The following BCAS3 variants were observed in gnomAD, a reference collection of about 807,000 sequenced individuals.
BCAS3 encodes BCAS4/BCAS3 fusion.
In BCAS3, 53 loss-of-function variants were observed where a neutral mutation model predicts 116.1. That is an observed-to-expected ratio of 0.46 (90% CI 0.37 to 0.57). BCAS3 has a LOEUF of 0.57. Among genes scored for constraint, BCAS3 ranks in the 20% least tolerant of loss-of-function variants. The pLI, the probability that BCAS3 is intolerant of heterozygous loss-of-function variation, is 0.00. For synonymous variants in BCAS3, 391 were observed against 408.2 expected (o/e 0.96, Z 0.51); for missense variants, 917 against 1,165.4 (o/e 0.79, Z 3.10).
At chr17:60,722,477 A>AG (rs888077676) in intron 5 of BCAS3, among the ~76,000 whole-genome samples, 3 of 152,078 alleles carry the variant, frequency 2.0e-5, no homozygotes, top group Non-Finnish European at 4.4e-5. Flanking sequence ...AATGCTTTTT[A>AG]GGGGGCTGGG....
intron 22 of BCAS3, among the ~76,000 whole-genome samples, chr17:61,295,365 C>T (rs988557891): frequency 2.0e-5 from 3 of 152,236 alleles, no homozygotes; most frequent in Non-Finnish European, 4.4e-5. Context: ...TGCTGGAGAG[C>T]AGCCTGGCTC....
At chr17:61,371,972 G>A (rs1437714954) in intron 23 of BCAS3, among the ~76,000 whole-genome samples, 1 of 152,226 alleles carries the variant, frequency 6.6e-6, no homozygotes, top group Non-Finnish European at 1.5e-5. Flanking sequence ...TGATTTGCAA[G>A]TCCAGTTCTA....
chr17:60,748,997 A>G (rs1288729074), intron 6 of BCAS3: 2 of 152,222 alleles, frequency 1.3e-5, no homozygotes, highest in East Asian at 3.8e-4. Flanking sequence ...AAGGAGTTCC[A>G]TCAGTAACTG....
chr17:61,053,131 C>T (rs529284959), intron 19 of BCAS3, among the ~76,000 whole-genome samples: 2 of 152,144 alleles, frequency 1.3e-5, no homozygotes, highest in South Asian at 2.1e-4. Flanking sequence ...CATTTACATA[C>T]AATAAAGTAG....
At chr17:61,221,684 T>TA (rs954547307) in intron 22 of BCAS3, among the ~76,000 whole-genome samples, 4 of 151,888 alleles carry the variant, frequency 2.6e-5, no homozygotes, top group African/African-American at 9.7e-5. Context: ...ACCAAGATCC[T>TA]AAAAAAAGGC....
intron 22 of BCAS3, among the ~76,000 whole-genome samples, chr17:61,293,965 G>A (rs2052668787): frequency 6.6e-6 from 1 of 152,166 alleles, no homozygotes; most frequent in Admixed American, 6.5e-5. Flanking sequence ...GTTTCACCAT[G>A]TTGGCCAGGC....
intron 22 of BCAS3, among the ~76,000 whole-genome samples, chr17:61,331,515 A>G (rs1315253987): frequency 6.6e-6 from 1 of 152,136 alleles, no homozygotes; most frequent in Non-Finnish European, 1.5e-5. Context: ...GGTCCAGGCC[A>G]GGCACAGTGG....
intron 6 of BCAS3, among the ~76,000 whole-genome samples, chr17:60,781,349 A>C (rs1830990447): frequency 6.6e-6 from 1 of 151,742 alleles, no homozygotes; most frequent in Non-Finnish European, 1.5e-5. Context: ...CTGTAATCCC[A>C]GCACTTACAG....
rs1184496624 is a variant in BCAS3 at position 61,208,456 on chromosome 17, CTG to C, written c.2425+123893_2425+123894del. Among the ~76,000 whole-genome samples, 2 of 152,120 alleles carry C rather than the reference CTG, an allele frequency of 1.3e-5. No individual in the cohort carries two copies. Among genetic ancestry groups the C allele is most frequent in the East Asian group, 1.9e-4 (1 of 5,202 alleles). On this transcript the variant is annotated intron_variant, in intron 22 of 23. Transcript: ENST00000407086. The surrounding 1 kb of genome is among the most constrained non-coding windows in gnomAD (Gnocchi z 4.5). Reference sequence around the variant, plus strand: ...TGTGCTAGTAAGTGTCGTTAAAAAACTGAGAGTTTTTCTTCTGTTGTGGACAT... The same window carrying C: ...TGTGCTAGTAAGTGTCGTTAAAAAACAGAGTTTTTCTTCTGTTGTGGACAT...
rs866444571 is a variant in BCAS3, at chr17:61,326,144, A to C, written c.2426-42183A>C. 2.2e-4 allele frequency among the ~76,000 whole-genome samples: 33 copies of C among 152,322 alleles called. No homozygotes were observed. The highest frequency in any genetic ancestry group is 6.5e-4 in the African/African-American group (27 of 41,584). On this transcript the variant is annotated intron_variant, in intron 22 of 23. Transcript: ENST00000407086. The surrounding 1 kb of genome is among the most constrained non-coding windows in gnomAD (Gnocchi z 5.3). ...TCAGATAATCTCACAAATTAACATA[A>C]TTACAAATTGTGTGAAGTATAATGA...
In BCAS3 at chr17:61,304,482, C is replaced by T. The variant is rs182776938; in HGVS notation, c.2426-63845C>T. Among the ~76,000 whole-genome samples, 269 of 152,286 alleles carry T rather than the reference C, an allele frequency of 1.8e-3. 3 individuals carry two copies. The highest frequency in any genetic ancestry group is 0.01 in the Middle Eastern group (3 of 294). ...TATACTATTTCGTGCCTAGAGTGTC[C>T]TTCTTGCTCTTGTTTTTTCCATTCC... On this transcript the variant is annotated intron_variant, in intron 22 of 23. Coordinates refer to ENST00000407086, the MANE Select transcript of BCAS3 (RefSeq NM_017679.5).
At position 60,967,723 on chromosome 17, in the gene BCAS3, G is replaced by A. The variant is rs1369794257; in HGVS notation, c.1221+20371G>A. Among the ~76,000 whole-genome samples the A allele has an allele frequency of 3.3e-5, 5 of 151,690 alleles. No individual in the cohort carries two copies. The highest frequency in any genetic ancestry group is 9.7e-5 in the African/African-American group (4 of 41,274). ...CTGTTGGTGGTATTCATTCCTTTTT[G>A]TTCTTTGTCCTTCTCCCACCACCCC... On this transcript the variant is annotated intron_variant, in intron 14 of 23. Coordinates refer to ENST00000407086, the MANE Select transcript of BCAS3 (RefSeq NM_017679.5). The surrounding 1 kb of genome is among the most constrained non-coding windows in gnomAD (Gnocchi z 4.7).
At position 61,040,516 on chromosome 17, in the gene BCAS3, C is replaced by A. The variant is rs951383959; in HGVS notation, c.1929-276C>A. ...TTGAATTTTACACCTGTTTAATCTTCTGAATGTCTTGCCTATCCTGTTGGA... is the reference window on the plus strand; with the variant it reads ...TTGAATTTTACACCTGTTTAATCTTATGAATGTCTTGCCTATCCTGTTGGA... On this transcript the variant is annotated intron_variant, in intron 18 of 23. Coordinates refer to ENST00000407086, the MANE Select transcript of BCAS3 (RefSeq NM_017679.5). 3.3e-5 allele frequency among the ~76,000 whole-genome samples: 5 copies of A among 152,286 alleles called. No individual in the cohort carries two copies. In the East Asian group the frequency reaches 9.6e-4, roughly 29 times the overall value.
chr17:60,690,324 C>A (rs576899652), intron 4 of BCAS3, among the ~76,000 whole-genome samples: 1 of 152,122 alleles, frequency 6.6e-6, no homozygotes, highest in African/African-American at 2.4e-5. Flanking sequence ...AATCCCAGCA[C>A]TTTGGGAGGT....
At chr17:60,983,962 T>C (rs540237018) in intron 14 of BCAS3, among the ~76,000 whole-genome samples, 32 of 152,348 alleles carry the variant, frequency 2.1e-4, no homozygotes, top group Non-Finnish European at 3.8e-4. Flanking sequence ...TTTCTTTTAA[T>C]AGGACCCCTG....
At chr17:61,174,661 C>T in intron 22 of BCAS3, among the ~76,000 whole-genome samples, 1 of 152,298 alleles carries the variant, frequency 6.6e-6, no homozygotes, top group Non-Finnish European at 1.5e-5. Context: ...CCTTTCCTTT[C>T]TGTATATACC....
intron 14 of BCAS3, among the ~76,000 whole-genome samples, chr17:60,957,895 G>T (rs1392090367): frequency 1.3e-5 from 2 of 152,132 alleles, no homozygotes; most frequent in South Asian, 4.1e-4. Context: ...TCAATATTAG[G>T]ACCTCTACTT....
rs1365066384 is a variant in BCAS3, at chr17:61,204,950, G to T, written c.2425+120386G>T. Reference sequence around the variant, plus strand: ...ACCTGTAGTCCCAGCTACTCAGGAGGCTGAAGTGGAAGGATCACCTGAGCC... The same window carrying T: ...ACCTGTAGTCCCAGCTACTCAGGAGTCTGAAGTGGAAGGATCACCTGAGCC... On this transcript the variant is annotated intron_variant, in intron 22 of 23. Coordinates refer to ENST00000407086, the MANE Select transcript of BCAS3 (RefSeq NM_017679.5). The surrounding 1 kb of genome is among the most constrained non-coding windows in gnomAD (Gnocchi z 4.2). Among the ~76,000 whole-genome samples the T allele has an allele frequency of 6.6e-6, 1 of 152,102 alleles. No homozygotes were observed. The highest frequency in any genetic ancestry group is 1.9e-4 in the East Asian group (1 of 5,194).
At chr17:61,043,691 G>A (rs957304103) in intron 19 of BCAS3, among the ~76,000 whole-genome samples, 1 of 152,080 alleles carries the variant, frequency 6.6e-6, no homozygotes, top group African/African-American at 2.4e-5. Flanking sequence ...CCCTGCAATC[G>A]AATGGTGTCT....
Sources: gnomAD v4.1 joint callset for allele counts (sites outside exome capture counted in the v4.1 genomes callset) on GRCh38, gnomAD v4.1.1 for gene constraint, Gnocchi (gnomAD v3.1) non-coding constraint, MANE v1.5 for transcripts, NCBI Gene and HGNC (gene_info 2026-07-23, HGNC 2026-07-21) for gene names.